The following DHRSX variants were observed in gnomAD, a reference collection of about 807,000 sequenced individuals.
DHRSX encodes the protein polyprenol dehydrogenase.
A neutral mutation model predicts 34.0 loss-of-function variants in DHRSX; 31 were observed. That is an observed-to-expected ratio of 0.91 (90% confidence interval 0.69 to 1.23). The LOEUF (loss-of-function observed/expected upper bound fraction) is 1.23. Ranked by LOEUF, DHRSX falls within the 50% of genes most tolerant of loss-of-function variation. DHRSX has a pLI of 0.00. For missense variants in DHRSX, 414 were observed against 428.1 expected, an observed-to-expected ratio of 0.97 and a Z score of 0.29; for synonymous variants, 201 against 183.8, an observed-to-expected ratio of 1.09 and a Z score of -0.76.
At chrX:2,425,136 G>C in intron 2 of DHRSX, 61 bp downstream of exon 2, 2 of 1,253,412 alleles carry the variant, frequency 1.6e-6, no homozygotes, top group Admixed American at 2.1e-5. Flanking sequence ...CTGCGATCCT[G>C]TCTCAGAAAA....
chrX:2,272,660 C>T (rs972354308), intron 4 of DHRSX, among the ~76,000 whole-genome samples: 8 of 152,110 alleles, frequency 5.3e-5, no homozygotes, highest in African/African-American at 1.9e-4. Context: ...TGGAGAGGCC[C>T]CAGGTACCTG....
chrX:2,330,124 CAG>C (rs369723923), intron 3 of DHRSX, among the ~76,000 whole-genome samples: 2 of 62,504 alleles, frequency 3.2e-5, no homozygotes, highest in African/African-American at 6.7e-5. Flanking sequence ...GAGAGAGAGA[CAG>C]AGAGAAAGGA....
At chrX:2,266,181 G>A (rs1444202878) in intron 5 of DHRSX, among the ~76,000 whole-genome samples, 2 of 145,474 alleles carry the variant, frequency 1.4e-5, no homozygotes, top group East Asian at 2.1e-4. Flanking sequence ...AGGGAGCACT[G>A]TCCCCAGAGC....
intron 3 of DHRSX, among the ~76,000 whole-genome samples, chrX:2,345,485 A>G (rs2042694615): frequency 6.6e-6 from 1 of 151,876 alleles, no homozygotes; most frequent in Non-Finnish European, 1.5e-5. Flanking sequence ...TCTACCAAAA[A>G]AATAAAAATA....
intron 1 of DHRSX, among the ~76,000 whole-genome samples, chrX:2,455,899 T>C (rs1444168879): frequency 4.0e-5 from 6 of 151,874 alleles, no homozygotes; most frequent in Non-Finnish European, 7.4e-5. Flanking sequence ...GACACCAACG[T>C]TGAGTGTCAA....
chrX:2,352,450 C>T lies in DHRSX; in HGVS notation c.286+56295G>A, dbSNP rs145106009. On this transcript the variant is annotated intron_variant, in intron 3 of 6. Coordinates refer to ENST00000334651, the MANE Select transcript of DHRSX (RefSeq NM_145177.3). ...TTCATCAACAGAGGTGTGAAAATAC[C>T]GTCCTACTTGCCGGGCTGAGGGCCT... Among the ~76,000 whole-genome samples the T allele has an allele frequency of 2.4e-3, 362 of 152,142 alleles. 3 individuals are homozygous for T. The highest frequency in any genetic ancestry group is 7.8e-3 in the African/African-American group (322 of 41,532).
intron 3 of DHRSX, among the ~76,000 whole-genome samples, chrX:2,358,834 A>C (rs2042890176): frequency 6.6e-6 from 1 of 152,050 alleles, no homozygotes; most frequent in South Asian, 2.1e-4. Flanking sequence ...CAAAAACCAA[A>C]GCTACTTGCG....
At chrX:2,333,966 C>G (rs1337444326) in intron 3 of DHRSX, among the ~76,000 whole-genome samples, 1 of 152,144 alleles carries the variant, frequency 6.6e-6, no homozygotes, top group Non-Finnish European at 1.5e-5. Flanking sequence ...CCACGACGTA[C>G]ATGTACCACA....
chrX:2,354,616 C>T (rs766942959), intron 3 of DHRSX, among the ~76,000 whole-genome samples: 45 of 152,252 alleles, frequency 3.0e-4, no homozygotes, highest in African/African-American at 1.0e-3. Flanking sequence ...CACCCACCAC[C>T]ACGCCTGGCT....
chrX:2,333,026 C>T (rs2042500696), intron 3 of DHRSX, among the ~76,000 whole-genome samples: 4 of 152,090 alleles, frequency 2.6e-5, no homozygotes, highest in Admixed American at 2.6e-4. Context: ...AGGTGATGGG[C>T]CTTTGCCTAC....
chrX:2,432,634 C>G (rs1457559984), intron 1 of DHRSX, among the ~76,000 whole-genome samples: 1 of 152,074 alleles, frequency 6.6e-6, no homozygotes, highest in Non-Finnish European at 1.5e-5. Flanking sequence ...GCACGTGAAG[C>G]CACATTAGGA....
chrX:2,238,108 C>T (rs933137750), intron 6 of DHRSX, among the ~76,000 whole-genome samples: 1 of 152,118 alleles, frequency 6.6e-6, no homozygotes, highest in Middle Eastern at 3.2e-3. Context: ...AATCCCAACA[C>T]TTTGGGAGGC....
chrX:2,493,610 T>C (rs2045212748), intron 1 of DHRSX, among the ~76,000 whole-genome samples: 1 of 151,634 alleles, frequency 6.6e-6, no homozygotes. Flanking sequence ...GTTTATATTC[T>C]AATTATTATT....
At chrX:2,243,370 C>A in intron 5 of DHRSX, 140 bp from the exon 6 acceptor site, 1 of 673,780 alleles carries the variant, frequency 1.5e-6, no homozygotes, top group South Asian at 2.0e-5. Context: ...ATCATGCCAT[C>A]TGTTGGCCAG....
Position 2,474,378 on chromosome X carries a change from CCA to C in DHRSX, c.109+26437_109+26438del, listed in dbSNP as rs1159259345. ...TAAGAATGGGGCCAAGGGACCACTG[CCA>C]TGTACACACTGAAGACGTTCCCTAA... On this transcript the variant is annotated intron_variant, in intron 1 of 6. Coordinates refer to ENST00000334651, the MANE Select transcript of DHRSX (RefSeq NM_145177.3). Among the ~76,000 whole-genome samples the C allele has an allele frequency of 2.6e-5, 4 of 151,670 alleles. No individual in the cohort carries two copies. In the East Asian group the frequency reaches 5.8e-4, roughly 22 times the overall value.
chrX:2,226,341 T>C (rs2015660460), intron 6 of DHRSX, among the ~76,000 whole-genome samples: 1 of 152,126 alleles, frequency 6.6e-6, no homozygotes, highest in South Asian at 2.1e-4. Flanking sequence ...CAATCTCCTG[T>C]TGGTTACCTG....
At chrX:2,399,563 G>A (rs1348990467) in intron 3 of DHRSX, among the ~76,000 whole-genome samples, 1 of 151,434 alleles carries the variant, frequency 6.6e-6, no homozygotes. Flanking sequence ...AAAATTAGCT[G>A]GGTGTGATGG....
intron 1 of DHRSX, among the ~76,000 whole-genome samples, chrX:2,471,949 C>T (rs1341260236): frequency 1.3e-5 from 2 of 151,900 alleles, no homozygotes; most frequent in Admixed American, 1.3e-4. Context: ...AGTTCAAAAC[C>T]AGCCTGGGCA....
chrX:2,454,259 A>G (rs886479625), intron 1 of DHRSX, among the ~76,000 whole-genome samples: 3 of 151,986 alleles, frequency 2.0e-5, no homozygotes, highest in Non-Finnish European at 4.4e-5. Flanking sequence ...GGGCGCTGTG[A>G]CTCACGCCTG....
Sources: allele counts gnomAD v4.1 joint callset (sites outside exome capture counted in the v4.1 genomes callset), GRCh38; gene constraint gnomAD v4.1.1; transcripts MANE v1.5; gene names NCBI Gene and HGNC (gene_info 2026-07-23, HGNC 2026-07-21).